The following GPM6A variants were observed in gnomAD, a reference collection of about 807,000 sequenced individuals.
The protein encoded by GPM6A is neuronal membrane glycoprotein M6-a.
Under a neutral mutation model 32.1 loss-of-function variants are expected in GPM6A, and 7 were observed. The ratio of observed to expected loss-of-function variants is 0.22; its 90% CI spans 0.12 to 0.41. The LOEUF is 0.41. GPM6A is among the 10% of genes least tolerant of loss of function. The pLI is 1.00. For missense variants in GPM6A, 235 were observed against 347.2 expected (o/e 0.68, Z 2.57); for synonymous variants, 130 against 123.4 (o/e 1.05, Z -0.35).
chr4:175,694,252 G>A (rs1205776959), intron 2 of GPM6A, among the ~76,000 whole-genome samples: 3 of 152,174 alleles, frequency 2.0e-5, no homozygotes, highest in African/African-American at 7.2e-5. Flanking sequence ...ACCTGAAAAT[G>A]TGGAAACCTC....
intron 1 of GPM6A, among the ~76,000 whole-genome samples, chr4:175,703,022 C>G (rs759791884): frequency 6.6e-6 from 1 of 152,078 alleles, no homozygotes; most frequent in East Asian, 1.9e-4. Flanking sequence ...TTCTTTTGAG[C>G]TTATTGTCTT....
chr4:175,690,544 T>A (rs982153179), intron 2 of GPM6A, among the ~76,000 whole-genome samples: 2 of 152,212 alleles, frequency 1.3e-5, no homozygotes, highest in African/African-American at 4.8e-5. Context: ...TGGAGAAACT[T>A]CCCTTGCACT....
chr4:175,775,132 G>T (rs1046504570), intron 1 of GPM6A, among the ~76,000 whole-genome samples: 9 of 152,118 alleles, frequency 5.9e-5, no homozygotes, highest in Admixed American at 2.0e-4. Context: ...ATCTTTGGAA[G>T]TATTTAGAAT....
intron 1 of GPM6A, among the ~76,000 whole-genome samples, chr4:175,849,600 G>C (rs1042680877): frequency 3.3e-5 from 5 of 152,110 alleles, no homozygotes; most frequent in Non-Finnish European, 7.4e-5. Context: ...TTGACAAAAA[G>C]ATGAAAACAG....
rs111229414 is a variant in GPM6A, at chr4:175,822,927, A to T, written c.-22-10678T>A. Among the ~76,000 whole-genome samples, 433 of 152,244 alleles carry T rather than the reference A, an allele frequency of 2.8e-3. 1 individual carries two copies. Among genetic ancestry groups the T allele is most frequent in the African/African-American group, 9.9e-3 (411 of 41,536 alleles). On this transcript the variant is annotated intron_variant, in intron 1 of 7. Coordinates refer to the GPM6A transcript ENST00000280187. ...GCTTTTTGATACTTTTTATATAGGT[A>T]CAATATTATTTTAATTATCAGAAAA...
chr4:175,835,643 ATAT>A (rs1487654153), intron 1 of GPM6A, among the ~76,000 whole-genome samples: 3 of 146,340 alleles, frequency 2.1e-5, no homozygotes, highest in Admixed American at 6.9e-5. Flanking sequence ...ATATATATAT[ATAT>A]ATATGCTTGT....
chr4:175,693,128 A>G (rs1002941470), intron 2 of GPM6A, among the ~76,000 whole-genome samples: 17 of 151,910 alleles, frequency 1.1e-4, no homozygotes, highest in African/African-American at 4.1e-4. Context: ...GCTCGAAGAC[A>G]AGGAATTTGT....
chr4:175,879,681 C>A (rs1737205877), intron 1 of GPM6A, among the ~76,000 whole-genome samples: 1 of 152,062 alleles, frequency 6.6e-6, no homozygotes, highest in Admixed American at 6.6e-5. Context: ...AGAACCAAAC[C>A]ATATCAAGCA....
chr4:175,909,183 T>C (rs757043700), intron 1 of GPM6A, among the ~76,000 whole-genome samples: 59 of 152,058 alleles, frequency 3.9e-4, no homozygotes, highest in Admixed American at 2.6e-3. Context: ...ACCAATTAGC[T>C]AGTAGTCATC....
At chr4:175,686,801 T>C (rs1579384627) in intron 2 of GPM6A, among the ~76,000 whole-genome samples, 1 of 152,370 alleles carries the variant, frequency 6.6e-6, no homozygotes, top group East Asian at 1.9e-4. Flanking sequence ...TTTTGTTCTG[T>C]ATGTAAAGAT....
intron 1 of GPM6A, among the ~76,000 whole-genome samples, chr4:175,964,220 A>G (rs1302603311): frequency 6.6e-6 from 1 of 152,090 alleles, no homozygotes; most frequent in African/African-American, 2.4e-5. Context: ...TGCCAATGGT[A>G]TAAATACACT....
intron 3 of GPM6A, among the ~76,000 whole-genome samples, chr4:175,663,665 C>A (rs528686393): frequency 2.9e-4 from 44 of 151,436 alleles, no homozygotes; most frequent in South Asian, 2.7e-3. Flanking sequence ...CAATTTAAAT[C>A]AATCAATCAA....
At chr4:175,893,186 T>G (rs1446117253) in intron 1 of GPM6A, among the ~76,000 whole-genome samples, 1 of 152,210 alleles carries the variant, frequency 6.6e-6, no homozygotes, top group Non-Finnish European at 1.5e-5. Flanking sequence ...TTTGAATCAA[T>G]GTACTTGTGG....
intron 1 of GPM6A, among the ~76,000 whole-genome samples, chr4:175,777,220 G>T (rs1458197767): frequency 6.6e-6 from 1 of 152,086 alleles, no homozygotes; most frequent in Non-Finnish European, 1.5e-5. Flanking sequence ...CTAGCTATAG[G>T]ACCATTGTGA....
chr4:175,858,323 G>T (rs943111013), intron 1 of GPM6A, among the ~76,000 whole-genome samples: 7 of 152,132 alleles, frequency 4.6e-5, no homozygotes, highest in African/African-American at 1.7e-4. Context: ...CCTGAGGTCA[G>T]GAGTTTGACA....
chr4:175,789,846 T>G (rs1733943320), intron 1 of GPM6A, among the ~76,000 whole-genome samples: 1 of 152,206 alleles, frequency 6.6e-6, no homozygotes, highest in Admixed American at 6.5e-5. Context: ...CAATGTGCCT[T>G]TGTATGCCAT....
At chr4:175,796,006 T>C (rs1007555358) in intron 1 of GPM6A, 3 of 152,196 alleles carry the variant, frequency 2.0e-5, no homozygotes, top group African/African-American at 7.2e-5. Context: ...AACAGCTTAA[T>C]TGCAATCTTG....
In GPM6A at chr4:175,767,047, G is replaced by A. The variant is rs73006374; in HGVS notation, c.37+45144C>T. Among the ~76,000 whole-genome samples the A allele has an allele frequency of 6.1e-3, 933 of 152,164 alleles. 11 individuals are homozygous for A. The highest frequency in any genetic ancestry group is 0.021 in the African/African-American group (889 of 41,506). The stretch of plus-strand genomic sequence containing the variant: ...CCATTGTTTCAGCCATTGCCTTTCA[G>A]GACATGAAAGGGTATGCAGTAAAAC... On this transcript the variant is annotated intron_variant, in intron 1 of 6. Coordinates refer to ENST00000393658, the MANE Select transcript of GPM6A (RefSeq NM_201591.3).
intron 1 of GPM6A, among the ~76,000 whole-genome samples, chr4:175,819,794 C>T (rs140726605): frequency 2.6e-4 from 40 of 152,270 alleles, no homozygotes; most frequent in African/African-American, 9.6e-4. Context: ...AAAGTCTTCT[C>T]ACAACATGAA....
Sources: allele counts gnomAD v4.1 joint callset (sites outside exome capture counted in the v4.1 genomes callset), GRCh38; gene constraint gnomAD v4.1.1; transcripts MANE v1.5; gene names NCBI Gene and HGNC (gene_info 2026-07-23, HGNC 2026-07-21).